TMEM40: variants seen among roughly 807,000 people sequenced by gnomAD.
The protein encoded by TMEM40 is transmembrane protein 40.
In TMEM40, 34 loss-of-function variants were observed where a neutral mutation model predicts 40.8. The observed-to-expected ratio is 0.83, with a 90% CI of 0.63 to 1.11. The LOEUF (loss-of-function observed/expected upper bound fraction) is 1.11, where lower values mean the gene tolerates loss of function less well. TMEM40 is among the 50% of genes least tolerant of loss of function. The probability of loss-of-function intolerance (pLI) is 0.00; values close to 1 mark genes in which losing one functional copy is unlikely to be tolerated. For missense variants in TMEM40, 296 were observed against 280.2 expected (o/e 1.06, Z -0.40); for synonymous variants, 106 against 107.0 (o/e 0.99, Z 0.06).
intron 3 of TMEM40, among the ~76,000 whole-genome samples, chr3:12,747,778 G>A (rs981971819): frequency 1.3e-5 from 2 of 151,970 alleles, no homozygotes; most frequent in Non-Finnish European, 2.9e-5. Flanking sequence ...AGGCATGGTG[G>A]TGGATGCCTG....
At chr3:12,745,259 G>A (rs1048267889) in intron 3 of TMEM40, among the ~76,000 whole-genome samples, 6 of 144,888 alleles carry the variant, frequency 4.1e-5, no homozygotes, top group Non-Finnish European at 8.9e-5. Flanking sequence ...CTAGAGACGA[G>A]GTTTCACCAT....
intron 3 of TMEM40, among the ~76,000 whole-genome samples, chr3:12,744,263 G>T (rs1340701338): frequency 1.3e-5 from 2 of 152,062 alleles, no homozygotes; most frequent in African/African-American, 2.4e-5. Context: ...ATAAGATAAG[G>T]TCCCATGAGG....
At position 12,736,637 on chromosome 3, in the gene TMEM40, A is replaced by T; in HGVS notation, c.560T>A (p.Leu187His). 1 of 1,597,852 alleles carries T rather than the reference A, an allele frequency of 6.3e-7. No homozygotes were observed. Among genetic ancestry groups the T allele is most frequent in the Non-Finnish European group, 8.5e-7 (1 of 1,171,936 alleles). The stretch of plus-strand genomic sequence containing the variant: ...GGCGAAGGTGAGCAGGCCGACCCCA[A>T]GAGACATGAACCAGTCTGGAAGGGC... ...YHYYADWFMS[L>H]GVGLLTFASL... Residue 187 changes from leucine to histidine, a missense_variant, in exon 10 of 12, where the codon CTT (leucine) becomes CAT (histidine). By Grantham distance (99) the Leu-to-His change is moderately conservative. Coordinates refer to ENST00000314124, the MANE Select transcript of TMEM40 (RefSeq NM_018306.4).
rs1239823903 is a variant in TMEM40, at chr3:12,742,576, T to C, written c.302-69A>G. 9.0e-6 allele frequency: 14 copies of C among 1,562,522 alleles called. No individual in the cohort carries two copies. The East Asian group carries it at 2.5e-4, about 28-fold the overall frequency. On this transcript the variant is annotated intron_variant, in intron 4 of 11. Coordinates refer to ENST00000314124, the MANE Select transcript of TMEM40 (RefSeq NM_018306.4). ...TGATCCAGGCCACTTCCCTCTCCCA[T>C]GGCTTCGACGCTTAAGAAGTACCAC...
intron 1 of TMEM40, among the ~76,000 whole-genome samples, chr3:12,750,897 C>G (rs1270122050): frequency 6.6e-6 from 1 of 152,172 alleles, no homozygotes. Flanking sequence ...CAGACATTGC[C>G]AAATGACCCC....
chr3:12,735,521 A>C (rs771726673), intron 11 of TMEM40, 34 bp downstream of exon 11: 2 of 1,603,910 alleles, frequency 1.2e-6, no homozygotes, highest in South Asian at 2.2e-5. Flanking sequence ...GCTAGGGAGA[A>C]AATGAGTGAA....
At chr3:12,737,650 A>G in intron 8 of TMEM40, 57 bp downstream of exon 8, 1 of 1,548,552 alleles carries the variant, frequency 6.5e-7, no homozygotes, top group Non-Finnish European at 8.9e-7. Flanking sequence ...GCTGCATTTC[A>G]CCCCTAGAAA....
intron 1 of TMEM40, among the ~76,000 whole-genome samples, chr3:12,756,824 T>A (rs186448214): frequency 1.3e-5 from 2 of 151,494 alleles, no homozygotes; most frequent in African/African-American, 2.4e-5. Flanking sequence ...ACACACACAC[T>A]CTGTCTCTCA....
At chr3:12,767,761 CAA>C (rs1330118982) in intron 1 of TMEM40, among the ~76,000 whole-genome samples, 1 of 152,090 alleles carries the variant, frequency 6.6e-6, no homozygotes, top group Non-Finnish European at 1.5e-5. Flanking sequence ...CTGGACTTAA[CAA>C]AGAGGCAAGG....
chr3:12,749,739 G>A (rs747843960), intron 2 of TMEM40, 21 bp downstream of exon 2: 2 of 1,611,058 alleles, frequency 1.2e-6, no homozygotes, highest in African/African-American at 1.3e-5. Context: ...TTGCCCAGAG[G>A]GTCAGAGAAG....
At chr3:12,736,534 C>G (rs1382304471) in intron 10 of TMEM40, 44 bp downstream of exon 10, 2 of 1,537,984 alleles carry the variant, frequency 1.3e-6, no homozygotes, top group Non-Finnish European at 1.8e-6. Flanking sequence ...CCCACGACCC[C>G]TCCAAGAGAC....
intron 1 of TMEM40, among the ~76,000 whole-genome samples, chr3:12,754,934 CTTCTT>C: frequency 6.6e-6 from 1 of 151,910 alleles, no homozygotes; most frequent in Non-Finnish European, 1.5e-5. Context: ...AAAGAATTTT[CTTCTT>C]TTCTTTTCTT....
intron 1 of TMEM40, among the ~76,000 whole-genome samples, chr3:12,755,835 G>A (rs772402873): frequency 6.6e-5 from 10 of 152,154 alleles, no homozygotes; most frequent in African/African-American, 1.9e-4. Flanking sequence ...ATATTGTGGC[G>A]TGCAGGAGCC....
At position 12,736,655 on chromosome 3, in the gene TMEM40, G is replaced by C. The variant is rs1215954673; in HGVS notation, c.545-3C>G. 3.7e-6 allele frequency: 6 copies of C among 1,607,584 alleles called. No homozygotes were observed. In the Admixed American group the frequency reaches 1.0e-4, roughly 28 times the overall value. The stretch of plus-strand genomic sequence containing the variant: ...GACCCCAAGAGACATGAACCAGTCT[G>C]GAAGGGCAGTGAGGGAGGGAATGGT... On this transcript the variant is annotated splice_polypyrimidine_tract_variant and splice_region_variant and intron_variant, in intron 9 of 11. Coordinates refer to ENST00000314124, the MANE Select transcript of TMEM40 (RefSeq NM_018306.4).
intron 1 of TMEM40, among the ~76,000 whole-genome samples, chr3:12,767,556 C>A (rs2061599618): frequency 6.6e-6 from 1 of 152,122 alleles, no homozygotes; most frequent in Non-Finnish European, 1.5e-5. Context: ...AAGTAACGTA[C>A]CCATCAGATG....
intron 3 of TMEM40, among the ~76,000 whole-genome samples, chr3:12,746,366 T>TG (rs1230034893): frequency 6.6e-6 from 1 of 152,212 alleles, no homozygotes; most frequent in Non-Finnish European, 1.5e-5. Context: ...TGGTTATCTC[T>TG]GGGTAATGGG....
At chr3:12,762,337 T>C (rs1184642886), upstream of TMEM40, among the ~76,000 whole-genome samples, 1 of 152,204 alleles carries the variant, frequency 6.6e-6, no homozygotes, top group Non-Finnish European at 1.5e-5. Flanking sequence ...TACTGAAAAT[T>C]TTTTTAAATT....
intron 1 of TMEM40, among the ~76,000 whole-genome samples, chr3:12,752,810 AAAAG>A (rs1553633831): frequency 1.2e-4 from 18 of 152,044 alleles, no homozygotes; most frequent in East Asian, 3.9e-4. Flanking sequence ...CTCAAAAAAA[AAAAG>A]AAAGAAAGAA....
intron 3 of TMEM40, among the ~76,000 whole-genome samples, chr3:12,744,337 C>A (rs1241509037): frequency 6.6e-6 from 1 of 152,164 alleles, no homozygotes; most frequent in Non-Finnish European, 1.5e-5. Context: ...TCTGTTTCCC[C>A]ACCCATCATG....
Sources: gnomAD v4.1 joint callset for allele counts (sites outside exome capture counted in the v4.1 genomes callset) on GRCh38, gnomAD v4.1.1 for gene constraint, MANE v1.5 for transcripts, NCBI Gene and HGNC (gene_info 2026-07-23, HGNC 2026-07-21) for gene names.